UBXN2B: variants seen among roughly 807,000 people sequenced by gnomAD.
UBXN2B encodes UBX domain protein 2B, also known as UBX domain-containing protein 2B.
A neutral mutation model predicts 37.5 loss-of-function variants in UBXN2B; 19 were observed. The ratio of observed to expected loss-of-function variants is 0.51; its 90% confidence interval spans 0.35 to 0.74. The LOEUF (loss-of-function observed/expected upper bound fraction) is 0.74. Ranked by LOEUF, UBXN2B falls within the 30% of genes least tolerant of loss-of-function variation. The pLI is 0.01. For synonymous variants in UBXN2B, 145 were observed against 143.8 expected (o/e 1.01, Z -0.06); for missense variants, 370 against 393.2 (o/e 0.94, Z 0.50).
At chr8:58,446,454 T>A (rs1808670923) in intron 7 of UBXN2B, among the ~76,000 whole-genome samples, 1 of 152,182 alleles carries the variant, frequency 6.6e-6, no homozygotes, top group Non-Finnish European at 1.5e-5. Context: ...TAATTTTCTG[T>A]ATAGCAAATA....
chr8:58,421,334 A>G (rs1206404937), intron 2 of UBXN2B, among the ~76,000 whole-genome samples: 1 of 149,586 alleles, frequency 6.7e-6, no homozygotes, highest in Non-Finnish European at 1.5e-5. Flanking sequence ...GACATGAAGC[A>G]CCTTTTAGTT....
chr8:58,426,774 C>T, intron 2 of UBXN2B: 1 of 621,482 alleles, frequency 1.6e-6, no homozygotes, highest in African/African-American at 1.8e-5. Flanking sequence ...CGAGGGAGGC[C>T]CGCTCGGGAC....
In UBXN2B at chr8:58,414,546, G is replaced by A. The variant is rs184882199; in HGVS notation, c.85-2304G>A. Among the ~76,000 whole-genome samples the A allele has an allele frequency of 3.6e-3, 553 of 152,030 alleles. 6 individuals are homozygous for A. The highest frequency in any genetic ancestry group is 0.013 in the African/African-American group (523 of 41,474). ...ATTATTGAAACATTTTCTTAATTAC[G>A]TTTTGAGATTTTTTTGTTGTGTTAG... On this transcript the variant is annotated intron_variant, in intron 1 of 7. Transcript: ENST00000399598.
At position 58,411,362 on chromosome 8, in the gene UBXN2B, G is replaced by T; in HGVS notation, c.-24G>T. The T allele has an allele frequency of 7.9e-7, 1 of 1,268,622 alleles. No individual in the cohort carries two copies. 78.6% of individuals were successfully genotyped at this position (1,268,622 alleles called of 1,614,324 possible). A position where few individuals can be genotyped will look rare whatever the true frequency, so the allele number is the denominator to read the frequency against. On this transcript the variant is annotated 5_prime_UTR_variant, in exon 1 of 8. Transcript: ENST00000399598. ...GGAAGTTGCGGCAGGTGCGTCCGCA[G>T]CGGGCGCCGCTAGCCAGCGGAAGAT... is the stretch of plus-strand genomic sequence containing the variant.
intron 2 of UBXN2B, among the ~76,000 whole-genome samples, chr8:58,420,628 A>T (rs1207678839): frequency 2.0e-5 from 3 of 152,202 alleles, no homozygotes; most frequent in Non-Finnish European, 4.4e-5. Flanking sequence ...AGCTTTTATT[A>T]ATAAAAGAAT....
chr8:58,419,985 T>G (rs1807885069), intron 2 of UBXN2B, among the ~76,000 whole-genome samples: 1 of 152,232 alleles, frequency 6.6e-6, no homozygotes, highest in Non-Finnish European at 1.5e-5. Context: ...GCACTGGGTC[T>G]CACAAATTAT....
chr8:58,436,643 T>C (rs1486373350), intron 5 of UBXN2B, among the ~76,000 whole-genome samples: 1 of 152,182 alleles, frequency 6.6e-6, no homozygotes, highest in African/African-American at 2.4e-5. Flanking sequence ...CCCTCACAAA[T>C]GGCTTGGTGC....
intron 2 of UBXN2B, among the ~76,000 whole-genome samples, chr8:58,422,050 G>A (rs1376651903): frequency 1.3e-5 from 2 of 152,192 alleles, no homozygotes; most frequent in African/African-American, 4.8e-5. Context: ...CAAAACCAAA[G>A]CAAAATGGAG....
chr8:58,446,779 ATTTTTTTTTTTTTTTTTTTTT>A (rs869090698), intron 7 of UBXN2B, among the ~76,000 whole-genome samples: 8 of 17,386 alleles, frequency 4.6e-4, no homozygotes, highest in East Asian at 2.0e-3. Context: ...TACAACCTGC[ATTTTTTTTTTTTTTTTTTTTT>A]TTTTTTTTTT....
rs1264529404 is a variant in UBXN2B at position 58,439,762 on chromosome 8, A to C, written c.663A>C (p.Lys221Asn). ...RFKAFSGEGQ[K>N]LGSLTPEIVS... ...AGGCTTTTAGTGGAGAAGGGCAAAA[A>C]CTTGGAAGGTAAAAATCCTAAAATG... Residue 221 changes from lysine (K) to asparagine (N), a missense_variant, in exon 6 of 8, where the codon AAA becomes AAC. Lys to Asn is a moderately conservative substitution (Grantham distance 94, BLOSUM62 0). Around this residue, in one of 3 missense-constraint regions of UBXN2B, gnomAD observed 90 missense variants for 139.4 expected, o/e 0.65. Coordinates refer to ENST00000399598, the MANE Select transcript of UBXN2B (RefSeq NM_001077619.2). 6.3e-7 allele frequency: 1 copy of C among 1,594,794 alleles called. No homozygotes were observed. Among genetic ancestry groups the C allele is most frequent in the Non-Finnish European group, 8.5e-7 (1 of 1,174,832 alleles).
intron 2 of UBXN2B, among the ~76,000 whole-genome samples, chr8:58,417,779 G>A (rs575721226): frequency 2.2e-4 from 34 of 152,152 alleles, no homozygotes; most frequent in Non-Finnish European, 4.0e-4. Context: ...CACCAAGTTG[G>A]TACAATGTTA....
chr8:58,411,492 G>A, intron 1 of UBXN2B, 23 bp downstream of exon 1: 1 of 1,247,974 alleles, frequency 8.0e-7, no homozygotes, highest in Non-Finnish European at 1.0e-6. Flanking sequence ...GCCGGGGGAG[G>A]GAGCGCGGCG....
rs868362303 is a variant in UBXN2B, at chr8:58,419,206, G to A, written c.188+2253G>A. On this transcript the variant is annotated intron_variant, in intron 2 of 7. Transcript: ENST00000399598. ...TAATACAATGTATAGCAGATTGTTC[G>A]CAATCTTTTTTTCTACGTATGATAT... Among the ~76,000 whole-genome samples the A allele has an allele frequency of 2.6e-5, 4 of 152,220 alleles. No homozygotes were observed. The South Asian group carries it at 6.2e-4, about 24-fold the overall frequency.
chr8:58,422,385 A>G (rs1563458158), intron 2 of UBXN2B, among the ~76,000 whole-genome samples: 1 of 152,276 alleles, frequency 6.6e-6, no homozygotes, highest in Non-Finnish European at 1.5e-5. Flanking sequence ...AGCCAAAGTC[A>G]GAAGAATCCG....
chr8:58,424,533 T>G, intron 2 of UBXN2B: 1 of 821,124 alleles, frequency 1.2e-6, no homozygotes, highest in Non-Finnish European at 2.0e-6. Flanking sequence ...TTGATCTTTT[T>G]AGGGAGAGAG....
At chr8:58,417,350 C>T (rs1807811247) in intron 2 of UBXN2B, among the ~76,000 whole-genome samples, 1 of 152,136 alleles carries the variant, frequency 6.6e-6, no homozygotes, top group South Asian at 2.1e-4. Flanking sequence ...GCAAGTTTGT[C>T]ATTCGTTTTT....
chr8:58,435,685 T>G (rs927694984), intron 5 of UBXN2B, among the ~76,000 whole-genome samples: 5 of 152,210 alleles, frequency 3.3e-5, no homozygotes, highest in South Asian at 2.1e-4. Context: ...AAAAACTAAT[T>G]TATTGTTAAA....
At chr8:58,411,527 G>T in intron 1 of UBXN2B, 58 bp downstream of exon 1, 1 of 1,226,900 alleles carries the variant, frequency 8.2e-7, no homozygotes, top group Admixed American at 4.2e-5. Flanking sequence ...GTGACGGCGC[G>T]GGCTGGTGCG....
chr8:58,417,315 TCTC>T (rs1477314824), intron 2 of UBXN2B, among the ~76,000 whole-genome samples: 2 of 152,184 alleles, frequency 1.3e-5, no homozygotes, highest in Non-Finnish European at 2.9e-5. Context: ...GCTATAGAAT[TCTC>T]CTCTCAAAAC....
Sources: gnomAD v4.1 joint callset for allele counts (sites outside exome capture counted in the v4.1 genomes callset) on GRCh38, gnomAD v4.1.1 for gene constraint, gnomAD v4.1.1 regional missense constraint, MANE v1.5 for transcripts, NCBI Gene and HGNC (gene_info 2026-07-23, HGNC 2026-07-21) for gene names.